Variants in SIL1 observed in about 807,000 individuals in gnomAD.
SIL1 encodes SIL1 nucleotide exchange factor, also known as nucleotide exchange factor SIL1.
SIL1 carries 40 observed loss-of-function variants against 49.1 expected under a neutral mutation model. The ratio of observed to expected loss-of-function variants is 0.81; its 90% CI spans 0.63 to 1.06. The LOEUF (loss-of-function observed/expected upper bound fraction) is 1.06. SIL1 is among the 50% of genes least tolerant of loss of function. SIL1 has a pLI of 0.00. For synonymous variants in SIL1, 253 were observed against 250.8 expected (o/e 1.01, Z -0.08); for missense variants, 500 against 572.6 (o/e 0.87, Z 1.29).
chr5:138,984,215 G>A (rs1767598309), intron 7 of SIL1, among the ~76,000 whole-genome samples: 1 of 152,158 alleles, frequency 6.6e-6, no homozygotes, highest in Admixed American at 6.5e-5. Context: ...GCAGATGAGA[G>A]ATAATATCCA....
chr5:139,143,482 T>C (rs547124183), intron 1 of SIL1, among the ~76,000 whole-genome samples: 136 of 151,944 alleles, frequency 9.0e-4, no homozygotes, highest in Middle Eastern at 3.4e-3. Flanking sequence ...GCGATTCTCA[T>C]GCCTCAGCCT....
intron 7 of SIL1, among the ~76,000 whole-genome samples, chr5:138,994,031 A>G (rs943621471): frequency 1.3e-5 from 2 of 152,194 alleles, no homozygotes; most frequent in Admixed American, 6.5e-5. Flanking sequence ...TAATATATAA[A>G]TAAATTCATC....
intron 7 of SIL1, among the ~76,000 whole-genome samples, chr5:139,011,125 T>C (rs1223433518): frequency 8.2e-4 from 123 of 150,770 alleles, no homozygotes; most frequent in South Asian, 1.1e-3. Context: ...ATTCCGTGGG[T>C]GTAGGACCCT....
At chr5:139,162,329 G>A (rs925315983) in intron 1 of SIL1, among the ~76,000 whole-genome samples, 1 of 152,188 alleles carries the variant, frequency 6.6e-6, no homozygotes, top group Non-Finnish European at 1.5e-5. Flanking sequence ...TAAAAAATCA[G>A]AGTGAGATAA....
At chr5:138,949,732 G>T (rs371275193) in intron 9 of SIL1, among the ~76,000 whole-genome samples, 2 of 146,748 alleles carry the variant, frequency 1.4e-5, no homozygotes, top group African/African-American at 5.0e-5. Flanking sequence ...GATCACTTGA[G>T]TCTGGGAGGC....
At chr5:139,089,669 A>G (rs897823903) in intron 3 of SIL1, among the ~76,000 whole-genome samples, 6 of 152,238 alleles carry the variant, frequency 3.9e-5, no homozygotes, top group African/African-American at 1.2e-4. Context: ...GTGAACTTCA[A>G]AAATTATTAT....
chr5:139,183,624 G>A (rs1752029841), intron 1 of SIL1, among the ~76,000 whole-genome samples: 1 of 152,158 alleles, frequency 6.6e-6, no homozygotes. Flanking sequence ...CCTGTATGAG[G>A]GCTTTCATCA....
At chr5:139,012,493 G>T (rs1768301839) in intron 7 of SIL1, 1 of 152,064 alleles carries the variant, frequency 6.6e-6, no homozygotes, top group Non-Finnish European at 1.5e-5. Context: ...AAATTTTTCA[G>T]CATACTTCTT....
At chr5:139,145,629 CGTGTGTGTGTGT>C (rs57675583) in intron 1 of SIL1, among the ~76,000 whole-genome samples, 9,315 of 142,642 alleles carry the variant, frequency 0.065, 598 homozygotes, top group African/African-American at 0.16. Context: ...GGTGTGGGGG[CGTGTGTGTGTGT>C]GTGTGTGTGT....
chr5:138,990,930 C>G (rs544416012), intron 7 of SIL1, among the ~76,000 whole-genome samples: 1 of 152,160 alleles, frequency 6.6e-6, no homozygotes, highest in South Asian at 2.1e-4. Context: ...TGGCCAGGCT[C>G]GTCTCAAACT....
intron 7 of SIL1, among the ~76,000 whole-genome samples, chr5:139,020,556 C>T (rs1268480118): frequency 1.3e-5 from 2 of 152,240 alleles, no homozygotes; most frequent in African/African-American, 4.8e-5. Flanking sequence ...CCAATTGCAG[C>T]ATGCAGATAT....
At chr5:138,986,927 G>A (rs1767660900) in intron 7 of SIL1, among the ~76,000 whole-genome samples, 1 of 152,016 alleles carries the variant, frequency 6.6e-6, no homozygotes, top group South Asian at 2.1e-4. Flanking sequence ...GAAAAGGGCA[G>A]CTTCTCAGGA....
At chr5:138,969,981 A>G (rs1363558772) in intron 7 of SIL1, among the ~76,000 whole-genome samples, 1 of 152,190 alleles carries the variant, frequency 6.6e-6, no homozygotes, top group Admixed American at 6.5e-5. Flanking sequence ...GAGGGGGATA[A>G]TCACACCCAT....
intron 3 of SIL1, among the ~76,000 whole-genome samples, chr5:139,068,183 C>A (rs1001031239): frequency 1.6e-4 from 24 of 152,116 alleles, no homozygotes; most frequent in African/African-American, 5.8e-4. Flanking sequence ...GACTAGAGAG[C>A]AAAACTAAAC....
intron 1 of SIL1, among the ~76,000 whole-genome samples, chr5:139,152,275 T>C (rs183020587): frequency 3.9e-4 from 60 of 152,272 alleles, no homozygotes; most frequent in African/African-American, 1.3e-3. Context: ...TATCCTGGGG[T>C]AAAAGATCAG....
chr5:139,094,415 A>G (rs1264737211), intron 3 of SIL1, among the ~76,000 whole-genome samples: 2 of 152,246 alleles, frequency 1.3e-5, no homozygotes, highest in African/African-American at 4.8e-5. Flanking sequence ...CTTACATTCT[A>G]GTAGTGGAAA....
intron 5 of SIL1, among the ~76,000 whole-genome samples, chr5:139,040,852 C>T (rs1374064361): frequency 6.6e-6 from 1 of 152,074 alleles, no homozygotes; most frequent in Admixed American, 6.6e-5. Flanking sequence ...TTTTGAAATA[C>T]TTTTATAAAT....
chr5:139,042,789 G>GAGTACTGGGA, intron 4 of SIL1, 70 bp from the exon 5 acceptor site: 2 of 1,391,260 alleles, frequency 1.4e-6, no homozygotes, highest in Non-Finnish European at 2.0e-6. Flanking sequence ...TGTAATCCCA[G>GAGTACTGGGA]TACTCTGGGT....
At chr5:139,044,501 C>G (rs1769109334) in intron 4 of SIL1, among the ~76,000 whole-genome samples, 2 of 152,202 alleles carry the variant, frequency 1.3e-5, no homozygotes, top group Non-Finnish European at 2.9e-5. Context: ...AGTTCACGCA[C>G]ACACACGAAA....
Sources: gnomAD v4.1 joint callset for allele counts (sites outside exome capture counted in the v4.1 genomes callset) on GRCh38, gnomAD v4.1.1 for gene constraint, MANE v1.5 for transcripts, NCBI Gene and HGNC (gene_info 2026-07-23, HGNC 2026-07-21) for gene names.